TRHDE: variants seen among roughly 807,000 people sequenced by gnomAD.
TRHDE encodes the protein thyrotropin releasing hormone degrading enzyme.
A neutral mutation model predicts 125.7 loss-of-function variants in TRHDE; 72 were observed. The observed-to-expected ratio is 0.57, with a 90% confidence interval of 0.47 to 0.70. The LOEUF is 0.70. Ranked by LOEUF, TRHDE falls within the 30% of genes least tolerant of loss-of-function variation. TRHDE has a pLI of 0.00. For synonymous variants in TRHDE, 509 were observed against 509.1 expected, an observed-to-expected ratio of 1.00 and a Z score of 0.00; for missense variants, 1,110 against 1,327.1, an observed-to-expected ratio of 0.84 and a Z score of 2.54.
intron 2 of TRHDE, among the ~76,000 whole-genome samples, chr12:72,326,119 T>A (rs1242543629): frequency 6.6e-6 from 1 of 152,094 alleles, no homozygotes; most frequent in East Asian, 1.9e-4. Context: ...GAGAAAAAAA[T>A]AGTCTTTATT....
At chr12:72,142,367 G>A (rs1160669048) in intron 2 of TRHDE, among the ~76,000 whole-genome samples, 1 of 151,992 alleles carries the variant, frequency 6.6e-6, no homozygotes, top group Non-Finnish European at 1.5e-5. Context: ...ACGTGCCTTG[G>A]TCTCTTTTTG....
chr12:72,147,548 G>A (rs1415321710), intron 2 of TRHDE: 1 of 152,082 alleles, frequency 6.6e-6, no homozygotes, highest in Non-Finnish European at 1.5e-5. Flanking sequence ...TTTGATAACA[G>A]CATCTACTTA....
At chr12:72,623,107 A>G (rs931788971) in intron 15 of TRHDE, among the ~76,000 whole-genome samples, 3 of 151,966 alleles carry the variant, frequency 2.0e-5, no homozygotes, top group Non-Finnish European at 2.9e-5. Flanking sequence ...ACCTCCTTCA[A>G]TTCTACCACG....
rs539633371 is a variant in TRHDE, at chr12:72,288,969, G to A, written c.1188+2015G>A. Among the ~76,000 whole-genome samples the A allele has an allele frequency of 1.1e-4, 17 of 152,218 alleles. 1 individual carries two copies. In the South Asian group the frequency reaches 1.9e-3, roughly 17 times the overall value. On this transcript the variant is annotated intron_variant, in intron 2 of 18. Transcript: ENST00000261180. ...CTATAAAAAAGAAAACAAAATTGCCGTTGGGAGCTCTTATTTATCAACTGT... is the reference window on the plus strand; with the variant it reads ...CTATAAAAAAGAAAACAAAATTGCCATTGGGAGCTCTTATTTATCAACTGT...
intron 5 of TRHDE, among the ~76,000 whole-genome samples, chr12:72,478,818 G>A (rs1333708754): frequency 6.7e-6 from 1 of 149,876 alleles, no homozygotes; most frequent in African/African-American, 2.5e-5. Context: ...AGAACTCTAA[G>A]TGTGTATGTA....
In TRHDE at chr12:72,126,871, C is replaced by T. The variant is rs543681015; in HGVS notation, n.279+21119C>T. On this transcript the variant is annotated intron_variant and non_coding_transcript_variant, in intron 2 of 4. Transcript: ENST00000548156. ...AGTGGGGCCTAATTAAACTAAAGAG[C>T]TTCTGCACAGCCAAAGAAACGATCA... Among the ~76,000 whole-genome samples the T allele has an allele frequency of 4.3e-3, 652 of 152,240 alleles. 1 individual carries two copies. Among genetic ancestry groups the T allele is most frequent in the African/African-American group, 0.015 (630 of 41,568 alleles).
At chr12:72,658,109 T>C (rs1592600381) in intron 18 of TRHDE, among the ~76,000 whole-genome samples, 1 of 152,318 alleles carries the variant, frequency 6.6e-6, no homozygotes, top group Admixed American at 6.5e-5. Context: ...ATTGTAATGA[T>C]TTGAAATTCA....
At chr12:72,123,786 G>A (rs1408534557) in intron 2 of TRHDE, among the ~76,000 whole-genome samples, 1 of 151,984 alleles carries the variant, frequency 6.6e-6, no homozygotes, top group Non-Finnish European at 1.5e-5. Flanking sequence ...TCAAGATATT[G>A]AACATTTCCA....
intron 5 of TRHDE, among the ~76,000 whole-genome samples, chr12:72,491,008 AATAG>A (rs952658474): frequency 2.0e-5 from 3 of 151,050 alleles, no homozygotes; most frequent in African/African-American, 4.9e-5. Context: ...AAAAAAAAAA[AATAG>A]ATAGCTGTGA....
chr12:72,529,863 T>C (rs1281615358), intron 6 of TRHDE, among the ~76,000 whole-genome samples: 1 of 152,152 alleles, frequency 6.6e-6, no homozygotes, highest in African/African-American at 2.4e-5. Context: ...TTTATTTCAC[T>C]AAAATATTAG....
At chr12:72,106,703 A>G (rs1369609977) in intron 2 of TRHDE, among the ~76,000 whole-genome samples, 1 of 152,160 alleles carries the variant, frequency 6.6e-6, no homozygotes, top group Non-Finnish European at 1.5e-5. Flanking sequence ...GCCACATTGT[A>G]AAAGCATTGA....
At chr12:72,539,028 T>C (rs1196890608) in intron 6 of TRHDE, among the ~76,000 whole-genome samples, 1 of 151,910 alleles carries the variant, frequency 6.6e-6, no homozygotes, top group Non-Finnish European at 1.5e-5. Flanking sequence ...TCACGCCTAT[T>C]TGACCACATA....
At chr12:72,650,459 T>C (rs1874460680) in intron 15 of TRHDE, among the ~76,000 whole-genome samples, 1 of 152,118 alleles carries the variant, frequency 6.6e-6, no homozygotes, top group Non-Finnish European at 1.5e-5. Flanking sequence ...TATATTCTGT[T>C]ACTTTTTTTT....
At chr12:72,285,010 C>T (rs147052528) in intron 1 of TRHDE, among the ~76,000 whole-genome samples, 4 of 152,234 alleles carry the variant, frequency 2.6e-5, no homozygotes, top group East Asian at 1.9e-4. Context: ...AGATAACTCT[C>T]GAAAACCTTG....
intron 15 of TRHDE, among the ~76,000 whole-genome samples, chr12:72,629,451 T>G (rs1873388003): frequency 6.6e-6 from 1 of 151,790 alleles, no homozygotes; most frequent in Non-Finnish European, 1.5e-5. Context: ...TTTCAGACAC[T>G]TCTGTGTCTT....
At chr12:72,302,775 TAACCA>T (rs1868280780) in intron 2 of TRHDE, among the ~76,000 whole-genome samples, 1 of 152,192 alleles carries the variant, frequency 6.6e-6, no homozygotes, top group Non-Finnish European at 1.5e-5. Context: ...TTGAGCCTTC[TAACCA>T]CAGATCTGCT....
intron 10 of TRHDE, among the ~76,000 whole-genome samples, chr12:72,572,023 T>C (rs1357674527): frequency 1.3e-5 from 1 of 76,316 alleles, no homozygotes; most frequent in South Asian, 5.8e-4. Context: ...ACACACGATT[T>C]ATTGCTATGG....
At chr12:72,215,127 G>A (rs1414275488) in intron 2 of TRHDE, among the ~76,000 whole-genome samples, 5 of 152,030 alleles carry the variant, frequency 3.3e-5, no homozygotes, top group African/African-American at 1.2e-4. Context: ...GATAAGGGTG[G>A]GGCCGTTTTA....
At chr12:72,441,954 C>G (rs1017725869) in intron 3 of TRHDE, among the ~76,000 whole-genome samples, 2 of 151,828 alleles carry the variant, frequency 1.3e-5, no homozygotes, top group African/African-American at 2.4e-5. Context: ...TTAGAACATT[C>G]CTTGTGAACA....
Sources: allele counts gnomAD v4.1 joint callset (sites outside exome capture counted in the v4.1 genomes callset), GRCh38; gene constraint gnomAD v4.1.1; transcripts MANE v1.5; gene names NCBI Gene and HGNC (gene_info 2026-07-23, HGNC 2026-07-21).